Variants in ADGRL3 observed in about 807,000 individuals in gnomAD.
ADGRL3 encodes the protein adhesion G protein-coupled receptor L3.
A neutral mutation model predicts 153.5 loss-of-function variants in ADGRL3; 62 were observed. The ratio of observed to expected loss-of-function variants is 0.40; its 90% CI spans 0.33 to 0.50. The LOEUF is 0.50. Among genes scored for constraint, ADGRL3 ranks in the 20% least tolerant of loss-of-function variants. The pLI is 0.47. For missense variants in ADGRL3, 1,641 were observed against 1,859.4 expected, an observed-to-expected ratio of 0.88 and a Z score of 2.16; for synonymous variants, 710 against 672.5, an observed-to-expected ratio of 1.06 and a Z score of -0.86.
chr4:61,350,394 C>T (rs1464547580), intron 1 of ADGRL3, among the ~76,000 whole-genome samples: 1 of 129,218 alleles, frequency 7.7e-6, no homozygotes, highest in African/African-American at 2.9e-5. Context: ...TTGATAATAA[C>T]TGTCTTTGCA....
chr4:61,581,726 C>T (rs1010017875), intron 4 of ADGRL3, among the ~76,000 whole-genome samples: 30 of 152,072 alleles, frequency 2.0e-4, no homozygotes, highest in African/African-American at 6.8e-4. Context: ...TAACTTCCTA[C>T]CAAATCTGGC....
At chr4:61,389,751 T>C (rs2096781106) in intron 2 of ADGRL3, among the ~76,000 whole-genome samples, 1 of 152,208 alleles carries the variant, frequency 6.6e-6, no homozygotes, top group Non-Finnish European at 1.5e-5. Flanking sequence ...CTTATTCCTC[T>C]CTTGGAGATA....
At chr4:62,065,389 TTCA>T (rs1742464080) in intron 25 of ADGRL3, among the ~76,000 whole-genome samples, 1 of 152,086 alleles carries the variant, frequency 6.6e-6, no homozygotes, top group African/African-American at 2.4e-5. Context: ...CATTACACAA[TTCA>T]TCAGATGTGC....
intron 25 of ADGRL3, among the ~76,000 whole-genome samples, chr4:62,049,668 A>G (rs1447386882): frequency 1.3e-5 from 2 of 152,146 alleles, no homozygotes; most frequent in Non-Finnish European, 2.9e-5. Context: ...CTACCTACTG[A>G]AAAGTGACCC....
intron 2 of ADGRL3, among the ~76,000 whole-genome samples, chr4:61,407,013 T>G (rs1296590077): frequency 6.6e-6 from 1 of 152,064 alleles, no homozygotes; most frequent in East Asian, 1.9e-4. Flanking sequence ...ATTAACTTAG[T>G]CTGATTTGTA....
At chr4:61,382,576 G>T (rs918145670) in intron 1 of ADGRL3, among the ~76,000 whole-genome samples, 3 of 151,380 alleles carry the variant, frequency 2.0e-5, no homozygotes, top group African/African-American at 4.8e-5. Flanking sequence ...TTACATTTCT[G>T]TTTATTTCTT....
At chr4:61,755,118 T>C (rs1403914396) in intron 8 of ADGRL3, among the ~76,000 whole-genome samples, 3 of 152,142 alleles carry the variant, frequency 2.0e-5, no homozygotes, top group South Asian at 2.1e-4. Flanking sequence ...ATTTATAATC[T>C]TTTGGGTATA....
chr4:61,909,509 A>C lies in ADGRL3; in HGVS notation c.1888-51A>C. ...ACATGATCGTTGAAAGAAAGCAATA[A>C]AAGTATTTATGTGAGATCTCTTTCC... is the stretch of plus-strand genomic sequence containing the variant. On this transcript the variant is annotated intron_variant, in intron 11 of 26. Transcript: ENST00000683033. 4 of 1,255,922 alleles carry C rather than the reference A, an allele frequency of 3.2e-6. No individual in the cohort carries two copies. In the South Asian group the frequency reaches 5.4e-5, roughly 17 times the overall value. 77.8% of individuals were successfully genotyped at this position (1,255,922 alleles called of 1,614,324 possible).
At chr4:61,890,242 G>T (rs948793361) in intron 9 of ADGRL3, among the ~76,000 whole-genome samples, 1 of 152,052 alleles carries the variant, frequency 6.6e-6, no homozygotes, top group African/African-American at 2.4e-5. Context: ...TGCTCAAAAC[G>T]GTCCCTTCAG....
chr4:61,729,380 C>T (rs1248549585), intron 6 of ADGRL3, among the ~76,000 whole-genome samples: 2 of 151,778 alleles, frequency 1.3e-5, no homozygotes, highest in African/African-American at 2.4e-5. Context: ...GATATTGAGG[C>T]TTCAAAAAAG....
chr4:61,822,460 A>G (rs983146656), intron 9 of ADGRL3, among the ~76,000 whole-genome samples: 2 of 152,196 alleles, frequency 1.3e-5, no homozygotes, highest in African/African-American at 2.4e-5. Flanking sequence ...TTCCTGCATG[A>G]TACCATAATA....
At position 62,073,876 on chromosome 4, in the gene ADGRL3, A is replaced by G. The variant is rs1479576051; in HGVS notation, c.*2968A>G. 1.3e-5 allele frequency: 2 copies of G among 152,092 alleles called. No individual in the cohort carries two copies. The highest frequency in any genetic ancestry group is 3.9e-4 in the East Asian group (2 of 5,186). 9.4% of individuals were successfully genotyped at this position (152,092 alleles called of 1,614,324 possible). ...GACTTAAGATCCCAAAGATTATAAC[A>G]GAGAGAAATTTCCCCTGCAAGTATT... On this transcript the variant is annotated 3_prime_UTR_variant, in exon 27 of 27. Transcript: ENST00000683033.
At chr4:61,857,964 C>A (rs2098296722) in intron 9 of ADGRL3, among the ~76,000 whole-genome samples, 1 of 152,134 alleles carries the variant, frequency 6.6e-6, no homozygotes, top group Non-Finnish European at 1.5e-5. Context: ...ATGTGAGAAA[C>A]TTTAATGAGG....
chr4:61,484,387 C>T lies in ADGRL3; in HGVS notation c.-173-12734C>T, dbSNP rs191826391. On this transcript the variant is annotated intron_variant, in intron 2 of 26. Transcript: ENST00000683033. ...GGAATGTCAATATCCCTACCTAATA[C>T]TTTCCTTAGTTAGGTCATCACTGCT... Among the ~76,000 whole-genome samples the T allele has an allele frequency of 9.2e-4, 140 of 152,294 alleles. 1 individual carries two copies. Among genetic ancestry groups the T allele is most frequent in the African/African-American group, 3.3e-3 (136 of 41,562 alleles).
At chr4:61,281,905 AT>A (rs2093737671) in intron 1 of ADGRL3, among the ~76,000 whole-genome samples, 1 of 152,096 alleles carries the variant, frequency 6.6e-6, no homozygotes, top group Non-Finnish European at 1.5e-5. Context: ...ATCTTTCTAG[AT>A]TCACCAATGT....
At chr4:61,591,948 C>G (rs1361425294) in intron 5 of ADGRL3, among the ~76,000 whole-genome samples, 2 of 151,532 alleles carry the variant, frequency 1.3e-5, no homozygotes, top group Non-Finnish European at 2.9e-5. Context: ...TGGTGGGGTG[C>G]ACCTATGGTC....
intron 17 of ADGRL3, among the ~76,000 whole-genome samples, chr4:61,970,755 A>G (rs1048943289): frequency 2.6e-5 from 4 of 152,172 alleles, no homozygotes; most frequent in Non-Finnish European, 5.9e-5. Flanking sequence ...GAAGTAAGAA[A>G]TATAATAATA....
intron 3 of ADGRL3, among the ~76,000 whole-genome samples, chr4:61,510,458 T>G (rs2098457490): frequency 6.6e-6 from 1 of 152,198 alleles, no homozygotes; most frequent in Non-Finnish European, 1.5e-5. Flanking sequence ...AGGGCCTTGT[T>G]TCATTATTTT....
At chr4:61,306,107 AT>A (rs980790408) in intron 1 of ADGRL3, among the ~76,000 whole-genome samples, 3 of 151,076 alleles carry the variant, frequency 2.0e-5, no homozygotes, top group Admixed American at 1.3e-4. Flanking sequence ...TAATTAATTA[AT>A]TTTTTTTGAG....
Sources: allele counts gnomAD v4.1 joint callset (sites outside exome capture counted in the v4.1 genomes callset), GRCh38; gene constraint gnomAD v4.1.1; transcripts MANE v1.5; gene names NCBI Gene and HGNC (gene_info 2026-07-23, HGNC 2026-07-21).